Variants in CFHR3 observed in about 807,000 individuals in gnomAD.
CFHR3 encodes complement factor H-related protein 3.
CFHR3 carries 22 observed loss-of-function variants against 36.0 expected under a neutral mutation model. That is an observed-to-expected ratio of 0.61 (90% confidence interval 0.44 to 0.87). The LOEUF (loss-of-function observed/expected upper bound fraction) is 0.87, where lower values mean the gene tolerates loss of function less well. Ranked by LOEUF, CFHR3 falls within the 40% of genes least tolerant of loss-of-function variation. The pLI, the probability that CFHR3 is intolerant of heterozygous loss-of-function variation, is 0.00. For synonymous variants in CFHR3, 97 were observed against 137.4 expected (o/e 0.71, Z 2.06); for missense variants, 276 against 401.3 (o/e 0.69, Z 2.67).
chr1:196,775,683 G>C lies in CFHR3; in HGVS notation c.58+739G>C, dbSNP rs1376846682. Among the ~76,000 whole-genome samples the C allele has an allele frequency of 2.2e-5, 3 of 136,712 alleles. 1 individual carries two copies. The highest frequency in any genetic ancestry group is 6.1e-5 in the African/African-American group (2 of 32,832). The allele number at this position is 136,712 out of a possible 152,430, so 89.7% of individuals were successfully genotyped here. The stretch of plus-strand genomic sequence containing the variant: ...TGTATTAATTATCTTTTTGAATGCA[G>C]GCCTTGCATATTAAAGAACTATATG... On this transcript the variant is annotated intron_variant, in intron 1 of 5. Coordinates refer to ENST00000367425, the MANE Select transcript of CFHR3 (RefSeq NM_021023.6).
In CFHR3 at chr1:196,790,685, T is replaced by C. The variant is rs1355594257; in HGVS notation, c.796+458T>C. On this transcript the variant is annotated intron_variant, in intron 5 of 5. Transcript: ENST00000367425. ...GTTGCAGTGAGTGGAGATTGCACCA[T>C]TGCCCTCCAGCCTGGGCGACAGAGG... Among the ~76,000 whole-genome samples, 11 of 131,716 alleles carry C rather than the reference T, an allele frequency of 8.4e-5. 2 individuals are homozygous for C. The South Asian group carries it at 2.9e-3, about 35-fold the overall frequency. The allele number at this position is 131,716 out of a possible 152,430, so 86.4% of individuals were successfully genotyped here.
intron 3 of CFHR3, among the ~76,000 whole-genome samples, chr1:196,784,023 A>G (rs1303921690): frequency 7.3e-6 from 1 of 136,452 alleles, no homozygotes; most frequent in Non-Finnish European, 1.5e-5. Context: ...CGTTGGTTTC[A>G]AAGAACATCT....
At chr1:196,785,423 C>T (rs1200741178) in intron 3 of CFHR3, among the ~76,000 whole-genome samples, 4 of 134,122 alleles carry the variant, frequency 3.0e-5, no homozygotes, top group Non-Finnish European at 4.7e-5. Context: ...CCATTCTCCC[C>T]GTCACTTTCA....
chr1:196,779,062 C>A, intron 1 of CFHR3, 100 bp from the exon 2 acceptor site: 1 of 968,444 alleles, frequency 1.0e-6, no homozygotes, highest in Non-Finnish European at 1.5e-6. Context: ...TGTAATTCCA[C>A]AAGAAAATGT....
rs1412755675 is a variant in CFHR3, at chr1:196,788,412, A to G, written c.613+14A>G. ...CAATTTGCATTAGTAAGTGATTTAC[A>G]TATTCCCATTCAGTTTCTGTCAACT... On this transcript the variant is annotated intron_variant, in intron 4 of 5. Coordinates refer to ENST00000367425, the MANE Select transcript of CFHR3 (RefSeq NM_021023.6). 1.2e-5 allele frequency: 18 copies of G among 1,525,588 alleles called. 2 individuals are homozygous for G. Among genetic ancestry groups the G allele is most frequent in the African/African-American group, 1.7e-5 (1 of 60,050 alleles). The allele number at this position is 1,525,588 out of a possible 1,614,324, so 94.5% of individuals were successfully genotyped here.
rs1178278840 is a variant in CFHR3 at position 196,779,963 on chromosome 1, C to T, written c.420C>T (p.Cys140=). The change falls in exon 3 of 6, where the codon TGC becomes TGT. Residue 140 remains cysteine, a synonymous_variant. Coordinates refer to ENST00000367425, the MANE Select transcript of CFHR3 (RefSeq NM_021023.6). Reference sequence around the variant, plus strand: ...AAGGCTGGTCTCCTACTCCCAGATGCATCCGTGTCAGTAAGTACACCGCTC... The same window carrying T: ...AAGGCTGGTCTCCTACTCCCAGATGTATCCGTGTCAGTAAGTACACCGCTC... ...TEKGWSPTPR[C]IRVRTCSKSD... is the part of the protein sequence containing the mutation. The T allele has an allele frequency of 1.4e-5, 21 of 1,533,028 alleles. 4 individuals are homozygous for T. In the African/African-American group the frequency reaches 3.3e-4, roughly 24 times the overall value. The allele number at this position is 1,533,028 out of a possible 1,614,324, so 95.0% of individuals were successfully genotyped here.
chr1:196,791,599 A>G (rs1654430887), intron 5 of CFHR3, among the ~76,000 whole-genome samples: 1 of 127,712 alleles, frequency 7.8e-6, no homozygotes. Flanking sequence ...GATGACGCTG[A>G]TATTTTGGCT....
At chr1:196,779,551 C>T (rs1653861707) in intron 2 of CFHR3, among the ~76,000 whole-genome samples, 195 bp downstream of exon 2, 1 of 135,850 alleles carries the variant, frequency 7.4e-6, no homozygotes, top group South Asian at 2.6e-4. Flanking sequence ...AATATAGAGA[C>T]TTTATGAGAA....
In CFHR3 at chr1:196,780,026, G is replaced by A; in HGVS notation, c.430+53G>A. 3 of 1,522,196 alleles carry A rather than the reference G, an allele frequency of 2.0e-6. 1 individual carries two copies. The highest frequency in any genetic ancestry group is 2.7e-6 in the Non-Finnish European group (3 of 1,124,570). 94.3% of individuals were successfully genotyped at this position (1,522,196 alleles called of 1,614,324 possible). ...ATGTTCATGTCTTTCTAAGTAACAC[G>A]GACGACAGTCTCAGACTTGTCTATA... On this transcript the variant is annotated intron_variant, in intron 3 of 5. Transcript: ENST00000367425.
chr1:196,784,457 TCC>T lies in CFHR3; in HGVS notation c.431-3758_431-3757del, dbSNP rs1654102458. Among the ~76,000 whole-genome samples, 3 of 135,364 alleles carry T rather than the reference TCC, an allele frequency of 2.2e-5. 1 individual carries two copies. In the South Asian group the frequency reaches 7.9e-4, roughly 36 times the overall value. The allele number at this position is 135,364 out of a possible 152,430, so 88.8% of individuals were successfully genotyped here. A position where few individuals can be genotyped will look rare whatever the true frequency, so the allele number is the denominator to read the frequency against. On this transcript the variant is annotated intron_variant, in intron 3 of 5. Coordinates refer to ENST00000367425, the MANE Select transcript of CFHR3 (RefSeq NM_021023.6). ...GAGTCTAAGTCTCTTTGTAGGTCAC[TCC>T]AGACTTGCTTTATGAATCTGGGTGC...
rs190948018 is a variant in CFHR3 at position 196,788,763 on chromosome 1, G to A, written c.613+365G>A. 2.6e-5 allele frequency: 38 copies of A among 1,453,458 alleles called. 8 individuals carry two copies. Among genetic ancestry groups the A allele is most frequent in the South Asian group, 1.1e-4 (8 of 74,376 alleles). The allele number at this position is 1,453,458 out of a possible 1,614,324, so 90.0% of individuals were successfully genotyped here. On this transcript the variant is annotated intron_variant, in intron 4 of 5. Transcript: ENST00000367425. ...TTATCAGCTGCTTGTATTGCATTCCGTGCTCACGCTCAGAAAAGTTGTACA... is the reference window on the plus strand; with the variant it reads ...TTATCAGCTGCTTGTATTGCATTCCATGCTCACGCTCAGAAAAGTTGTACA...
chr1:196,779,528 C>CA (rs1653860858), intron 2 of CFHR3, among the ~76,000 whole-genome samples, 172 bp downstream of exon 2: 1 of 136,310 alleles, frequency 7.3e-6, no homozygotes, highest in Non-Finnish European at 1.6e-5. Flanking sequence ...TCTTGAAAAT[C>CA]ATATGAAAAA....
At chr1:196,776,974 A>C (rs1476946032) in intron 1 of CFHR3, among the ~76,000 whole-genome samples, 1 of 135,296 alleles carries the variant, frequency 7.4e-6, no homozygotes, top group Non-Finnish European at 1.6e-5. Context: ...GTATTCATCT[A>C]TATTCAGAAT....
At position 196,787,713 on chromosome 1, in the gene CFHR3, A is replaced by T. The variant is rs1039160656; in HGVS notation, c.431-503A>T. On this transcript the variant is annotated intron_variant, in intron 3 of 5. Coordinates refer to ENST00000367425, the MANE Select transcript of CFHR3 (RefSeq NM_021023.6). ...CACATGCCTCTCAAACACCACGTCT[A>T]TATGGGTTTAAGCACCCACTTAAGA... 5.1e-5 allele frequency among the ~76,000 whole-genome samples: 7 copies of T among 137,088 alleles called. 1 individual carries two copies. The highest frequency in any genetic ancestry group is 2.1e-4 in the African/African-American group (7 of 32,782). The allele number at this position is 137,088 out of a possible 152,430, so 89.9% of individuals were successfully genotyped here.
chr1:196,777,575 C>G (rs1487151864), intron 1 of CFHR3, among the ~76,000 whole-genome samples: 1 of 136,948 alleles, frequency 7.3e-6, no homozygotes, highest in African/African-American at 3.1e-5. Context: ...CTACTACAGA[C>G]CAAGTTCCAA....
chr1:196,779,696 T>C, intron 2 of CFHR3, 101 bp from the exon 3 acceptor site: 1 of 1,350,922 alleles, frequency 7.4e-7, no homozygotes. Context: ...TGGATGTTTA[T>C]GCGATCTTAT....
chr1:196,788,237 T>C lies in CFHR3; in HGVS notation c.452T>C (p.Ile151Thr), dbSNP rs745980647. The change falls in exon 4 of 6, where the codon ATA becomes ACA. Residue 151 changes from isoleucine (I) to threonine (T), a missense_variant. By Grantham distance (89) the Ile-to-Thr change is moderately conservative (BLOSUM62 -1). Transcript: ENST00000367425. ...IRVRTCSKSD[I>T]EIENGFISES... is the part of the protein sequence containing the mutation. ...TTAGGAACATGCTCAAAATCAGATATAGAAATTGAAAATGGATTCATTTCC... is the reference window on the plus strand; with the variant it reads ...TTAGGAACATGCTCAAAATCAGATACAGAAATTGAAAATGGATTCATTTCC... 6.9e-7 allele frequency: 1 copy of C among 1,441,784 alleles called. No individual in the cohort carries two copies. The highest frequency in any genetic ancestry group is 9.3e-7 in the Non-Finnish European group (1 of 1,074,622). The allele number at this position is 1,441,784 out of a possible 1,614,324, so 89.3% of individuals were successfully genotyped here. A position where few individuals can be genotyped will look rare whatever the true frequency, so the allele number is the denominator to read the frequency against.
chr1:196,782,121 A>G lies in CFHR3; in HGVS notation c.430+2148A>G, dbSNP rs1392384054. ...AAAGATCAGATAGTTGTAGATATGC[A>G]GCGTTATTTCTGAGGGCTCTGTTCT... is the stretch of plus-strand genomic sequence containing the variant. On this transcript the variant is annotated intron_variant, in intron 3 of 5. Coordinates refer to ENST00000367425, the MANE Select transcript of CFHR3 (RefSeq NM_021023.6). Among the ~76,000 whole-genome samples the G allele has an allele frequency of 4.5e-4, 62 of 136,444 alleles. 10 individuals are homozygous for G. The highest frequency in any genetic ancestry group is 7.5e-4 in the Non-Finnish European group (48 of 64,380). The allele number at this position is 136,444 out of a possible 152,430, so 89.5% of individuals were successfully genotyped here.
In CFHR3 at chr1:196,778,578, C is replaced by G. The variant is rs1344883828; in HGVS notation, c.59-584C>G. Among the ~76,000 whole-genome samples, 3 of 135,194 alleles carry G rather than the reference C, an allele frequency of 2.2e-5. 1 individual carries two copies. The highest frequency in any genetic ancestry group is 9.3e-5 in the African/African-American group (3 of 32,164). The allele number at this position is 135,194 out of a possible 152,430, so 88.7% of individuals were successfully genotyped here. A position where few individuals can be genotyped will look rare whatever the true frequency, so the allele number is the denominator to read the frequency against. ...CGTGTATGCACCTATTTTTTTATGT[C>G]AATAATATATCTCATCCGATACATG... On this transcript the variant is annotated intron_variant, in intron 1 of 5. Coordinates refer to ENST00000367425, the MANE Select transcript of CFHR3 (RefSeq NM_021023.6).
Sources: gnomAD v4.1 joint callset for allele counts (sites outside exome capture counted in the v4.1 genomes callset) on GRCh38, gnomAD v4.1.1 for gene constraint, MANE v1.5 for transcripts, NCBI Gene and HGNC (gene_info 2026-07-23, HGNC 2026-07-21) for gene names.